Variants in CYRIA observed in about 807,000 individuals in gnomAD.
CYRIA encodes the protein CYFIP-related Rac1 interactor A.
CYRIA carries 15 observed loss-of-function variants against 43.9 expected under a neutral mutation model. The ratio of observed to expected loss-of-function variants is 0.34; its 90% CI spans 0.23 to 0.53. The LOEUF (loss-of-function observed/expected upper bound fraction) is 0.53, where lower values mean the gene tolerates loss of function less well. Ranked by LOEUF, CYRIA falls within the 20% of genes least tolerant of loss-of-function variation. CYRIA has a pLI of 0.94. For synonymous variants in CYRIA, 117 were observed against 136.0 expected (o/e 0.86, Z 0.97); for missense variants, 236 against 394.2 (o/e 0.60, Z 3.40).
At chr2:16,617,372 T>C (rs1191809066) in intron 2 of CYRIA, among the ~76,000 whole-genome samples, 1 of 152,212 alleles carries the variant, frequency 6.6e-6, no homozygotes, top group African/African-American at 2.4e-5. Flanking sequence ...CTGGGGCCAG[T>C]GTGCTGCCAG....
chr2:16,605,572 G>A (rs1432420247), intron 2 of CYRIA, among the ~76,000 whole-genome samples: 2 of 152,176 alleles, frequency 1.3e-5, no homozygotes, highest in African/African-American at 4.8e-5. Context: ...GCAGGGCAAG[G>A]GGCCCCAGAG....
intron 1 of CYRIA, among the ~76,000 whole-genome samples, chr2:16,664,026 T>C (rs547738723): frequency 1.3e-5 from 2 of 152,314 alleles, no homozygotes; most frequent in East Asian, 3.9e-4. Flanking sequence ...CTTAGTTTCC[T>C]CATCTGCAAA....
chr2:16,572,707 ATTTC>A (rs1667180627), intron 3 of CYRIA, among the ~76,000 whole-genome samples: 1 of 152,132 alleles, frequency 6.6e-6, no homozygotes, highest in African/African-American at 2.4e-5. Context: ...AGACTTTAGA[ATTTC>A]TTTCTTTACA....
rs144179553 is a variant in CYRIA at position 16,620,384 on chromosome 2, G to A, written c.-11+3480C>T. 2.6e-3 allele frequency among the ~76,000 whole-genome samples: 399 copies of A among 152,342 alleles called. 3 individuals are homozygous for A. Among genetic ancestry groups the A allele is most frequent in the Middle Eastern group, 0.017 (5 of 294 alleles). ...CTATCTGTGTACTAAGACTGGGCAT[G>A]AAATGACAAGTTTAGCATTCACTGC... is the stretch of plus-strand genomic sequence containing the variant. On this transcript the variant is annotated intron_variant, in intron 2 of 11. Coordinates refer to ENST00000381323, the MANE Select transcript of CYRIA (RefSeq NM_030797.4).
At chr2:16,564,284 C>T (rs1222628494) in intron 4 of CYRIA, among the ~76,000 whole-genome samples, 190 bp from the exon 5 acceptor site, 2 of 152,184 alleles carry the variant, frequency 1.3e-5, no homozygotes, top group African/African-American at 4.8e-5. Flanking sequence ...CTTGAACATA[C>T]AGCAAATGGC....
intron 2 of CYRIA, among the ~76,000 whole-genome samples, chr2:16,601,466 A>T (rs138202718): frequency 1.1e-4 from 17 of 152,290 alleles, no homozygotes; most frequent in Admixed American, 3.9e-4. Context: ...ATAGTCTAGA[A>T]TATGGGTGTT....
chr2:16,576,270 G>A (rs560707712), intron 3 of CYRIA, among the ~76,000 whole-genome samples: 16 of 152,218 alleles, frequency 1.1e-4, no homozygotes, highest in African/African-American at 2.4e-4. Context: ...CAGGTGATGC[G>A]GAGGATGAAG....
At chr2:16,560,933 T>C (rs1666702565) in intron 9 of CYRIA, 57 bp downstream of exon 9, 11 of 1,452,092 alleles carry the variant, frequency 7.6e-6, no homozygotes, top group Non-Finnish European at 1.1e-5. Context: ...ATCATCATCT[T>C]AACAGACACT....
chr2:16,599,454 G>A (rs1207398925), intron 2 of CYRIA, among the ~76,000 whole-genome samples: 1 of 77,874 alleles, frequency 1.3e-5, no homozygotes, highest in East Asian at 2.9e-4. Context: ...TCTTAAGCCG[G>A]TCTGAAAAGC....
chr2:16,652,209 GA>G (rs1285116972), intron 1 of CYRIA, among the ~76,000 whole-genome samples: 1 of 151,984 alleles, frequency 6.6e-6, no homozygotes, highest in Non-Finnish European at 1.5e-5. Flanking sequence ...ACAGCTTCAG[GA>G]TGTCCTCTAG....
intron 1 of CYRIA, among the ~76,000 whole-genome samples, chr2:16,628,219 T>C (rs1669225497): frequency 6.6e-6 from 1 of 152,224 alleles, no homozygotes; most frequent in Non-Finnish European, 1.5e-5. Context: ...GGAAATATTC[T>C]AGATGTGTAT....
intron 1 of CYRIA, among the ~76,000 whole-genome samples, chr2:16,643,563 T>A (rs1572199655): frequency 6.6e-6 from 1 of 152,230 alleles, no homozygotes; most frequent in African/African-American, 2.4e-5. Flanking sequence ...TAAAGTTGGT[T>A]AATAATTGTG....
chr2:16,634,573 C>A (rs1374224093), intron 1 of CYRIA, among the ~76,000 whole-genome samples: 1 of 152,222 alleles, frequency 6.6e-6, no homozygotes, highest in African/African-American at 2.4e-5. Context: ...GATAACTCCA[C>A]TCTAACTGCT....
chr2:16,554,660 G>A (rs1434468669), intron 11 of CYRIA, among the ~76,000 whole-genome samples: 1 of 152,128 alleles, frequency 6.6e-6, no homozygotes, highest in African/African-American at 2.4e-5. Flanking sequence ...GTTTTCAAAA[G>A]GTACCCACAT....
intron 1 of CYRIA, among the ~76,000 whole-genome samples, chr2:16,625,187 G>A (rs536077779): frequency 6.6e-6 from 1 of 152,236 alleles, no homozygotes; most frequent in South Asian, 2.1e-4. Flanking sequence ...GGGGAAGTAG[G>A]GGTCTAAAGT....
intron 1 of CYRIA, among the ~76,000 whole-genome samples, chr2:16,659,970 A>G (rs1273754553): frequency 1.3e-5 from 2 of 151,968 alleles, no homozygotes; most frequent in Non-Finnish European, 2.9e-5. Context: ...TCCCACTGTC[A>G]TCAGCCTTTT....
At chr2:16,560,174 C>T (rs7586823) in intron 9 of CYRIA, among the ~76,000 whole-genome samples, 81,074 of 152,018 alleles carry the variant, frequency 0.53, 24,063 homozygotes, top group African/African-American at 0.81. Flanking sequence ...AGGCTTTTTT[C>T]CTAGAGGCTT....
At chr2:16,585,491 G>A (rs1314200299) in intron 3 of CYRIA, among the ~76,000 whole-genome samples, 1 of 152,114 alleles carries the variant, frequency 6.6e-6, no homozygotes, top group Non-Finnish European at 1.5e-5. Flanking sequence ...GGACTGATGA[G>A]AAAATAAGCA....
At chr2:16,654,242 T>C (rs1429503819) in intron 1 of CYRIA, among the ~76,000 whole-genome samples, 3 of 152,206 alleles carry the variant, frequency 2.0e-5, no homozygotes, top group Non-Finnish European at 2.9e-5. Context: ...TTGCTCTCTA[T>C]AAAATAAAAA....
Sources: allele counts gnomAD v4.1 joint callset (sites outside exome capture counted in the v4.1 genomes callset), GRCh38; gene constraint gnomAD v4.1.1; transcripts MANE v1.5; gene names NCBI Gene and HGNC (gene_info 2026-07-23, HGNC 2026-07-21).